Variants in DMD observed in about 807,000 individuals in gnomAD.
DMD encodes the protein mutant dystrophin.
A neutral mutation model predicts 330.1 loss-of-function variants in DMD; 63 were observed. The ratio of observed to expected loss-of-function variants is 0.19; its 90% confidence interval spans 0.16 to 0.24. The LOEUF (loss-of-function observed/expected upper bound fraction) is 0.24. DMD is among the 10% of genes least tolerant of loss of function. DMD has a pLI of 1.00. For missense variants in DMD, 3,344 were observed against 2,684.1 expected, an observed-to-expected ratio of 1.25 and a Z score of -5.43; for synonymous variants, 1,223 against 959.8, an observed-to-expected ratio of 1.27 and a Z score of -5.07.
intron 9 of DMD, among the ~76,000 whole-genome samples, chrX:32,679,902 CTTTTTTTTTTTTTTT>C (rs766270656): frequency 3.0e-3 from 70 of 23,603 alleles, no homozygotes; most frequent in African/African-American, 0.011. Context: ...AATATTTGTA[CTTTTTTTTTTTTTTT>C]TTTTTTTTTT....
chrX:32,552,591 G>A (rs929895993), intron 16 of DMD, among the ~76,000 whole-genome samples: 2 of 111,644 alleles, frequency 1.8e-5, no homozygotes, highest in Admixed American at 9.5e-5. Context: ...TTAAACTAAA[G>A]AACTTCTACA....
intron 9 of DMD, among the ~76,000 whole-genome samples, chrX:32,660,901 C>G (rs2060899844): frequency 9.0e-6 from 1 of 111,296 alleles, no homozygotes; most frequent in Admixed American, 9.6e-5. Flanking sequence ...TATTCTACTA[C>G]TTAAGATAAC....
intron 50 of DMD, among the ~76,000 whole-genome samples, chrX:31,815,449 C>CAAAAAAA (rs772005297): frequency 3.1e-5 from 3 of 97,650 alleles, no homozygotes; most frequent in African/African-American, 7.8e-5. Flanking sequence ...GACTCAGTCT[C>CAAAAAAA]AAAAAAAAAG....
At chrX:32,880,682 C>T (rs930323265) in intron 2 of DMD, among the ~76,000 whole-genome samples, 6 of 112,764 alleles carry the variant, frequency 5.3e-5, no homozygotes, top group Admixed American at 9.4e-5. Context: ...CAGTGGCTCA[C>T]GCCTGTAATC....
At chrX:32,507,808 A>G (rs2044783813) in intron 18 of DMD, among the ~76,000 whole-genome samples, 3 of 111,539 alleles carry the variant, frequency 2.7e-5, no homozygotes, top group Non-Finnish European at 5.7e-5. Context: ...AGAAATCAGC[A>G]TTGTTGTATA....
intron 9 of DMD, among the ~76,000 whole-genome samples, chrX:32,650,776 C>A (rs2060096895): frequency 8.9e-6 from 1 of 111,991 alleles, no homozygotes; most frequent in Non-Finnish European, 1.9e-5. Flanking sequence ...AAAATCATGG[C>A]CTGCTGTTAG....
At chrX:31,569,605 TGTATATACGTATATATAC>T (rs1272363773) in intron 55 of DMD, among the ~76,000 whole-genome samples, 5 of 89,603 alleles carry the variant, frequency 5.6e-5, no homozygotes, top group African/African-American at 1.2e-4. Flanking sequence ...TACACATATA[TGTATATACGTATATATAC>T]GTATATACGT....
chrX:31,744,911 T>C (rs758775104), intron 51 of DMD, among the ~76,000 whole-genome samples: 71 of 112,312 alleles, frequency 6.3e-4, no homozygotes, highest in Non-Finnish European at 1.1e-3. Flanking sequence ...AGTGAAATAA[T>C]TGAACTTGTG....
At chrX:33,065,546 T>C (rs934277651) in intron 1 of DMD, among the ~76,000 whole-genome samples, 6 of 112,159 alleles carry the variant, frequency 5.3e-5, no homozygotes, top group African/African-American at 9.7e-5. Context: ...AATTATGAAA[T>C]GTACATGCTG....
At chrX:31,126,599 GAGAC>G (rs1327857485) in intron 78 of DMD, 39 bp downstream of exon 78, 33 of 1,148,400 alleles carry the variant, frequency 2.9e-5, no homozygotes, top group South Asian at 3.6e-5. Context: ...AAAGCAGGAT[GAGAC>G]AGACAGAAGC....
At chrX:31,674,893 T>C (rs2081992469) in intron 53 of DMD, among the ~76,000 whole-genome samples, 1 of 112,521 alleles carries the variant, frequency 8.9e-6, no homozygotes, top group South Asian at 3.6e-4. Context: ...TGGCATACTA[T>C]TTTTGCCTCT....
At chrX:32,802,927 A>T (rs1230710586) in intron 7 of DMD, among the ~76,000 whole-genome samples, 1 of 110,881 alleles carries the variant, frequency 9.0e-6, no homozygotes, top group Non-Finnish European at 1.9e-5. Context: ...TTGACCTGAA[A>T]TTTTTTTTAT....
chrX:31,439,389 G>A (rs772930434), intron 60 of DMD, among the ~76,000 whole-genome samples: 1 of 111,762 alleles, frequency 8.9e-6, no homozygotes, highest in South Asian at 3.7e-4. Context: ...GATGAAAGAA[G>A]GAATGAAGTT....
chrX:31,823,343 C>T (rs979671682), intron 49 of DMD, among the ~76,000 whole-genome samples: 12 of 112,032 alleles, frequency 1.1e-4, no homozygotes, highest in African/African-American at 2.9e-4. Flanking sequence ...ATGCCTTGTA[C>T]GATGTTTTCT....
chrX:32,563,738 C>T (rs185733082), intron 16 of DMD, among the ~76,000 whole-genome samples: 16 of 111,856 alleles, frequency 1.4e-4, no homozygotes, highest in African/African-American at 5.2e-4. Flanking sequence ...AAAAAGTAGT[C>T]CCATTCCAAG....
At chrX:31,611,243 A>C (rs2077900732) in intron 55 of DMD, among the ~76,000 whole-genome samples, 1 of 110,194 alleles carries the variant, frequency 9.1e-6, no homozygotes, top group Admixed American at 9.7e-5. Flanking sequence ...ATGCATTTTT[A>C]ATAAAGTTTC....
chrX:33,087,497 T>C (rs1172119794), intron 1 of DMD, among the ~76,000 whole-genome samples: 2 of 112,205 alleles, frequency 1.8e-5, no homozygotes, highest in Admixed American at 1.9e-4. Flanking sequence ...ATTTGATTTG[T>C]ATGATACATT....
rs749476436 is a variant in DMD at position 31,897,546 on chromosome X, A to C, written c.6913-22173T>G. ...TAGTTTACAGTCCCACCAACAGTGT[A>C]AAAGTGTTCCTATTTCTCCACATCC... is the stretch of plus-strand genomic sequence containing the variant. On this transcript the variant is annotated intron_variant, in intron 47 of 78. Coordinates refer to ENST00000357033, the MANE Select transcript of DMD (RefSeq NM_004006.3). 2.1e-3 allele frequency among the ~76,000 whole-genome samples: 194 copies of C among 93,199 alleles called. 1 individual carries two copies. Among genetic ancestry groups the C allele is most frequent in the African/African-American group, 6.5e-3 (163 of 25,248 alleles). 80.9% of individuals were successfully genotyped at this position (93,199 alleles called of 115,157 possible).
In DMD at chrX:31,296,052, C is replaced by A. The variant is rs766049320; in HGVS notation, c.9224+27546G>T. 6.2e-4 allele frequency among the ~76,000 whole-genome samples: 67 copies of A among 107,453 alleles called. 1 individual carries two copies. The highest frequency in any genetic ancestry group is 2.0e-3 in the Admixed American group (20 of 10,018). The allele number at this position is 107,453 out of a possible 115,157, so 93.3% of individuals were successfully genotyped here. A position where few individuals can be genotyped will look rare whatever the true frequency, so the allele number is the denominator to read the frequency against. On this transcript the variant is annotated intron_variant, in intron 62 of 78. Coordinates refer to ENST00000357033, the MANE Select transcript of DMD (RefSeq NM_004006.3). ...TGGTAACTAACTCTTCAATATGTCC[C>A]TGATGACAGACCAAGGATTTATGAC...
Sources: gnomAD v4.1 joint callset for allele counts (sites outside exome capture counted in the v4.1 genomes callset) on GRCh38, gnomAD v4.1.1 for gene constraint, MANE v1.5 for transcripts, NCBI Gene and HGNC (gene_info 2026-07-23, HGNC 2026-07-21) for gene names.